GIGYF1: variants seen among roughly 807,000 people sequenced by gnomAD.
GIGYF1 encodes the protein GRB10 interacting GYF protein 1.
GIGYF1 carries 84 observed loss-of-function variants against 147.1 expected under a neutral mutation model. The observed-to-expected ratio is 0.57, with a 90% CI of 0.48 to 0.68. GIGYF1 has a LOEUF of 0.68. GIGYF1 is among the 30% of genes least tolerant of loss of function. GIGYF1 has a pLI of 0.00. For synonymous variants in GIGYF1, 752 were observed against 589.5 expected, an observed-to-expected ratio of 1.28 and a Z score of -3.99; for missense variants, 1,485 against 1,393.7, an observed-to-expected ratio of 1.07 and a Z score of -1.04.
chr7:100,681,326 A>AT lies in GIGYF1; in HGVS notation c.*392dup, dbSNP rs146231586. The AT allele has an allele frequency of 2.2e-3, 309 of 138,868 alleles. 1 individual carries two copies. Among genetic ancestry groups the AT allele is most frequent in the African/African-American group, 6.6e-3 (236 of 35,746 alleles). 8.6% of individuals were successfully genotyped at this position (138,868 alleles called of 1,614,324 possible). On this transcript the variant is annotated 3_prime_UTR_variant, in exon 27 of 27. Coordinates refer to ENST00000678049, the MANE Select transcript of GIGYF1 (RefSeq NM_001375765.1). ...TGTTTTTTCTTTCAGCCTCCTAACC[A>AT]TTTTTTTTTTCATTTTTCATCTTTT...
In GIGYF1 at chr7:100,681,371, A is replaced by AC. The variant is rs915142933; in HGVS notation, c.*347_*348insG. Reference sequence around the variant, plus strand: ...TCTTTTTTTCTTAAAAAAAAAAAAAAAACCAAAAAACAAAAACCTCTGTGG... The same window carrying AC: ...TCTTTTTTTCTTAAAAAAAAAAAAAACAACCAAAAAACAAAAACCTCTGTGG... On this transcript the variant is annotated 3_prime_UTR_variant, in exon 27 of 27. Transcript: ENST00000678049. The AC allele has an allele frequency of 3.0e-4, 57 of 191,602 alleles. No homozygotes were observed. Among genetic ancestry groups the AC allele is most frequent in the Middle Eastern group, 1.9e-3 (1 of 530 alleles). 11.9% of individuals were successfully genotyped at this position (191,602 alleles called of 1,614,324 possible).
In GIGYF1 at chr7:100,681,041, C is replaced by T. The variant is rs953323236; in HGVS notation, c.*678G>A. 1 of 152,754 alleles carries T rather than the reference C, an allele frequency of 6.5e-6. No homozygotes were observed. Among genetic ancestry groups the T allele is most frequent in the Admixed American group, 6.5e-5 (1 of 15,280 alleles). 9.5% of individuals were successfully genotyped at this position (152,754 alleles called of 1,614,324 possible). ...AGCCAGAGAGCTGGGGCCACTCGTCCAATTTGTGCAACTGTCCCCCAAAGC... is the reference window on the plus strand; with the variant it reads ...AGCCAGAGAGCTGGGGCCACTCGTCTAATTTGTGCAACTGTCCCCCAAAGC... On this transcript the variant is annotated 3_prime_UTR_variant, in exon 27 of 27. Coordinates refer to ENST00000678049, the MANE Select transcript of GIGYF1 (RefSeq NM_001375765.1).
chr7:100,693,182 T>TAA (rs1362320559), intron 1 of GIGYF1, among the ~76,000 whole-genome samples: 5 of 152,132 alleles, frequency 3.3e-5, no homozygotes, highest in Admixed American at 1.3e-4. Context: ...TAGCATCTCC[T>TAA]AGTTCCTAGC....
At chr7:100,689,596 G>A (rs1805665896) in intron 1 of GIGYF1, 41 bp from the exon 2 acceptor site, 1 of 152,568 alleles carries the variant, frequency 6.6e-6, no homozygotes, top group Non-Finnish European at 1.5e-5. Flanking sequence ...GGGTGCTGAG[G>A]AGGAAAGGCC....
Position 100,688,328 on chromosome 7 carries a change from T to C in GIGYF1, c.-69-21A>G, listed in dbSNP as rs1023755092. On this transcript the variant is annotated intron_variant, in intron 3 of 26. Transcript: ENST00000678049. ...AACACCTGTGGGGGAACAGGGGCCA[T>C]GAAGAACAGCACACGAAGGAGAACT... The C allele has an allele frequency of 3.6e-6, 4 of 1,105,490 alleles. No homozygotes were observed. The African/African-American group carries it at 4.6e-5, about 13-fold the overall frequency. 68.5% of individuals were successfully genotyped at this position (1,105,490 alleles called of 1,614,324 possible).
intron 9 of GIGYF1, 83 bp downstream of exon 9, chr7:100,686,923 C>T: frequency 6.2e-7 from 1 of 1,605,430 alleles, no homozygotes; most frequent in Non-Finnish European, 8.5e-7. Context: ...GCCCCCAACA[C>T]CTCCGAAATA....
chr7:100,687,155 G>A (rs1339775332), intron 8 of GIGYF1, 109 bp from the exon 9 acceptor site: 3 of 1,517,450 alleles, frequency 2.0e-6, no homozygotes, highest in South Asian at 2.2e-5. Flanking sequence ...AGGGAGGAAG[G>A]GGACAAACGA....
rs1323438385 is a variant in GIGYF1, at chr7:100,686,666, CA to C, written c.676del (p.Trp226GlyfsTer119). 6.2e-7 allele frequency: 1 copy of C among 1,612,218 alleles called. No homozygotes were observed. ...AATCTCACCAGGGCTGGCGGAGCGC[CA>C]GCGGTCGCCGTCTCGCCGGGGCCCT... ...GAGPRRDGDR[W>X]RSASPDGGPR... is the part of the protein sequence containing the mutation. On this transcript the variant is annotated frameshift_variant, in exon 10 of 27. Coordinates refer to ENST00000678049, the MANE Select transcript of GIGYF1 (RefSeq NM_001375765.1). LOFTEE classifies it high-confidence loss of function.
chr7:100,684,271 G>A lies in GIGYF1; in HGVS notation c.1696C>T (p.Leu566=), dbSNP rs771800983. 2 of 1,608,706 alleles carry A rather than the reference G, an allele frequency of 1.2e-6. No homozygotes were observed. Among genetic ancestry groups the A allele is most frequent in the East Asian group, 2.2e-5 (1 of 44,700 alleles). The change falls in exon 17 of 27, where the codon CTG becomes TTG. Residue 566 remains leucine, a synonymous_variant. Coordinates refer to ENST00000678049, the MANE Select transcript of GIGYF1 (RefSeq NM_001375765.1). ...AGCTGGAGAAACTGCTGGTGCTGCA[G>A]CTGCTGGTACAAGGCCGCCGCGGCC... ...ELAAAALYQQ[L]QHQQFLQLVS...
chr7:100,686,167 T>G lies in GIGYF1; in HGVS notation c.948+13A>C. The G allele has an allele frequency of 6.2e-7, 1 of 1,604,052 alleles. No homozygotes were observed. ...GGAAGGGCAGGTTCCCACCCTCGCCTCCTCACAGATACCTTGAGAGGCAAG... is the reference window on the plus strand; with the variant it reads ...GGAAGGGCAGGTTCCCACCCTCGCCGCCTCACAGATACCTTGAGAGGCAAG... On this transcript the variant is annotated intron_variant, in intron 11 of 26. Transcript: ENST00000678049.
At chr7:100,686,898 GCTCCAGGC>G in intron 9 of GIGYF1, 79 bp from the exon 10 acceptor site, 2 of 1,601,220 alleles carry the variant, frequency 1.2e-6, no homozygotes, top group South Asian at 2.2e-5. Context: ...GGGGGGGCCA[GCTCCAGGC>G]CCTCCTGCCC....
At chr7:100,685,850 A>G (rs1332928463) in intron 12 of GIGYF1, 124 bp downstream of exon 12, 1 of 752,620 alleles carries the variant, frequency 1.3e-6, no homozygotes. Flanking sequence ...ACCTCTCAGC[A>G]CTCTTCTTCC....
Position 100,683,822 on chromosome 7 carries a change from C to G in GIGYF1, c.1965G>C (p.Gln655His). 1 of 1,575,330 alleles carries G rather than the reference C, an allele frequency of 6.3e-7. No homozygotes were observed. Among genetic ancestry groups the G allele is most frequent in the Non-Finnish European group, 8.6e-7 (1 of 1,159,792 alleles). Residue 655 changes from glutamine to histidine, a missense_variant, in exon 19 of 27, where the codon CAG becomes CAC. Coordinates refer to ENST00000678049, the MANE Select transcript of GIGYF1 (RefSeq NM_001375765.1). Reference sequence around the variant, plus strand: ...GGGACCAGTCAGGCCACACACCTGACTGTGATGAGGCTGAGGTATGTACGT... The same window carrying G: ...GGGACCAGTCAGGCCACACACCTGAGTGTGATGAGGCTGAGGTATGTACGT... ...LWDVHTSASSQSGGEASLWDI... is the reference protein window; with the variant it reads ...LWDVHTSASSHSGGEASLWDI...
rs1287724093 is a variant in GIGYF1 at position 100,681,635 on chromosome 7, C to T, written c.*84G>A. On this transcript the variant is annotated 3_prime_UTR_variant, in exon 27 of 27. Transcript: ENST00000678049. ...CCCCTGCCTCTTCCTGTGCTCTCTGCGGGGAGCCTGCAGGCTGGGACCCTC... is the reference window on the plus strand; with the variant it reads ...CCCCTGCCTCTTCCTGTGCTCTCTGTGGGGAGCCTGCAGGCTGGGACCCTC... The T allele has an allele frequency of 3.4e-5, 45 of 1,332,268 alleles. 1 individual carries two copies. Among genetic ancestry groups the T allele is most frequent in the East Asian group, 7.2e-5 (3 of 41,574 alleles). The allele number at this position is 1,332,268 out of a possible 1,614,324, so 82.5% of individuals were successfully genotyped here.
rs1804551557 is a variant in GIGYF1 at position 100,679,785 on chromosome 7, G to A, written c.*1934C>T. On this transcript the variant is annotated 3_prime_UTR_variant, in exon 27 of 27. Coordinates refer to ENST00000678049, the MANE Select transcript of GIGYF1 (RefSeq NM_001375765.1). ...CATTGACCACTCTCAGAAGGGGATGGGGGTGGGAGAGGGCTCCCCCTATAC... is the reference window on the plus strand; with the variant it reads ...CATTGACCACTCTCAGAAGGGGATGAGGGTGGGAGAGGGCTCCCCCTATAC... The A allele has an allele frequency of 6.6e-6, 1 of 152,578 alleles. No individual in the cohort carries two copies. 9.5% of individuals were successfully genotyped at this position (152,578 alleles called of 1,614,324 possible).
intron 8 of GIGYF1, 39 bp downstream of exon 8, chr7:100,687,259 G>A: frequency 1.9e-6 from 3 of 1,586,484 alleles, no homozygotes; most frequent in Non-Finnish European, 2.6e-6. Context: ...CCCCTCCCTG[G>A]CCTGCCCGGC....
intron 12 of GIGYF1, among the ~76,000 whole-genome samples, 170 bp downstream of exon 12, chr7:100,685,804 T>C (rs962705556): frequency 7.2e-5 from 11 of 152,206 alleles, no homozygotes; most frequent in African/African-American, 1.7e-4. Flanking sequence ...TACACTGCCT[T>C]GAAGACATGG....
At position 100,684,442 on chromosome 7, in the gene GIGYF1, C is replaced by T. The variant is rs371085044; in HGVS notation, c.1629+8G>A. 4.3e-6 allele frequency: 7 copies of T among 1,611,704 alleles called. No homozygotes were observed. The highest frequency in any genetic ancestry group is 2.2e-5 in the East Asian group (1 of 44,880). ...CCTGTCCCTCCATGCAGGGGAGAAG[C>T]GGCTCACCAGCAGTGGGGGAGGTGA... On this transcript the variant is annotated splice_region_variant and intron_variant, in intron 16 of 26. Coordinates refer to ENST00000678049, the MANE Select transcript of GIGYF1 (RefSeq NM_001375765.1).
rs1390832024 is a variant in GIGYF1 at position 100,681,602 on chromosome 7, G to A, written c.*117C>T. On this transcript the variant is annotated 3_prime_UTR_variant, in exon 27 of 27. Coordinates refer to ENST00000678049, the MANE Select transcript of GIGYF1 (RefSeq NM_001375765.1). The stretch of plus-strand genomic sequence containing the variant: ...ATCGTGTGTTTGTAACAAGTGCTGG[G>A]GACCCCGCCCCTGCCTCTTCCTGTG... The A allele has an allele frequency of 6.6e-6, 6 of 905,782 alleles. No homozygotes were observed. Among genetic ancestry groups the A allele is most frequent in the Middle Eastern group, 3.5e-4 (1 of 2,842 alleles). 56.1% of individuals were successfully genotyped at this position (905,782 alleles called of 1,614,324 possible). A position where few individuals can be genotyped will look rare whatever the true frequency, so the allele number is the denominator to read the frequency against.
Sources: allele counts gnomAD v4.1 joint callset (sites outside exome capture counted in the v4.1 genomes callset), GRCh38; gene constraint gnomAD v4.1.1; transcripts MANE v1.5; gene names NCBI Gene and HGNC (gene_info 2026-07-23, HGNC 2026-07-21).